Variants in PRKCA observed in about 807,000 individuals in gnomAD.
PRKCA encodes the protein protein kinase C alpha type.
PRKCA carries 27 observed loss-of-function variants against 87.0 expected under a neutral mutation model. That is an observed-to-expected ratio of 0.31 (90% CI 0.23 to 0.43). PRKCA has a LOEUF of 0.43. Ranked by LOEUF, PRKCA falls within the 20% of genes least tolerant of loss-of-function variation. PRKCA has a pLI of 1.00. For missense variants in PRKCA, 518 were observed against 852.3 expected (o/e 0.61, Z 4.88); for synonymous variants, 329 against 311.1 (o/e 1.06, Z -0.61).
chr17:66,433,787 C>T (rs1913227031), intron 2 of PRKCA, among the ~76,000 whole-genome samples: 1 of 152,160 alleles, frequency 6.6e-6, no homozygotes, highest in South Asian at 2.1e-4. Context: ...TCAAATCATC[C>T]ACCCATCTTG....
intron 3 of PRKCA, among the ~76,000 whole-genome samples, chr17:66,525,682 T>G (rs1197944772): frequency 6.6e-6 from 1 of 152,200 alleles, no homozygotes; most frequent in Non-Finnish European, 1.5e-5. Context: ...TGTGGTTTCA[T>G]TCTGGGGGAC....
chr17:66,752,063 A>G (rs1974442933), intron 13 of PRKCA, among the ~76,000 whole-genome samples: 1 of 152,182 alleles, frequency 6.6e-6, no homozygotes. Context: ...ACAGATCCAA[A>G]CTGTATTATA....
chr17:66,531,858 T>TA (rs1967553601), intron 3 of PRKCA, among the ~76,000 whole-genome samples: 1 of 152,152 alleles, frequency 6.6e-6, no homozygotes, highest in Non-Finnish European at 1.5e-5. Context: ...TTCTCAAACT[T>TA]ATCTTTGTGC....
chr17:66,404,952 G>C (rs1911276473), intron 2 of PRKCA, among the ~76,000 whole-genome samples: 2 of 151,854 alleles, frequency 1.3e-5, no homozygotes, highest in Admixed American at 1.3e-4. Flanking sequence ...GTTTCACCAT[G>C]TTGGCCAGGC....
At chr17:66,783,621 C>G (rs1298269493) in intron 14 of PRKCA, among the ~76,000 whole-genome samples, 1 of 152,192 alleles carries the variant, frequency 6.6e-6, no homozygotes, top group Non-Finnish European at 1.5e-5. Context: ...AGAATGTTCC[C>G]CAAACGATTC....
intron 3 of PRKCA, among the ~76,000 whole-genome samples, chr17:66,507,761 C>T (rs1021580245): frequency 1.2e-4 from 19 of 152,190 alleles, no homozygotes; most frequent in Admixed American, 1.2e-3. Flanking sequence ...CTTTTTGGCT[C>T]ATGCTGGGGC....
chr17:66,502,961 C>T (rs1056806448), intron 3 of PRKCA, among the ~76,000 whole-genome samples: 3 of 152,146 alleles, frequency 2.0e-5, no homozygotes, highest in Non-Finnish European at 4.4e-5. Context: ...GCCCAGCGTG[C>T]CCCCCAGCTT....
intron 13 of PRKCA, among the ~76,000 whole-genome samples, chr17:66,750,116 C>T (rs1974396215): frequency 1.3e-5 from 2 of 151,916 alleles, no homozygotes; most frequent in Non-Finnish European, 2.9e-5. Context: ...AATTAGCACT[C>T]ACCACCAAGA....
In PRKCA at chr17:66,742,769, C is replaced by T; in HGVS notation, c.1524+9C>T. ...ATTATATCGCCCCAGAGGTAGGAAC[C>T]CCAGTGATCGTTTTCTCAACCAGGA... is the stretch of plus-strand genomic sequence containing the variant. On this transcript the variant is annotated intron_variant, in intron 13 of 16. Coordinates refer to ENST00000413366, the MANE Select transcript of PRKCA (RefSeq NM_002737.3). 1 of 1,612,414 alleles carries T rather than the reference C, an allele frequency of 6.2e-7. No homozygotes were observed. Among genetic ancestry groups the T allele is most frequent in the Non-Finnish European group, 8.5e-7 (1 of 1,179,680 alleles).
Position 66,804,879 on chromosome 17 carries a change from T to C in PRKCA, c.*842T>C. 1 of 456,024 alleles carries C rather than the reference T, an allele frequency of 2.2e-6. No individual in the cohort carries two copies. The highest frequency in any genetic ancestry group is 2.9e-6 in the Non-Finnish European group (1 of 346,096). 28.2% of individuals were successfully genotyped at this position (456,024 alleles called of 1,614,324 possible). A position where few individuals can be genotyped will look rare whatever the true frequency, so the allele number is the denominator to read the frequency against. Reference sequence around the variant, plus strand: ...CCATCCAGGGTGCCATCAGTAATCATGCCACTACTCACCAGTGTTGTTCAC... The same window carrying C: ...CCATCCAGGGTGCCATCAGTAATCACGCCACTACTCACCAGTGTTGTTCAC... On this transcript the variant is annotated 3_prime_UTR_variant, in exon 17 of 17. Transcript: ENST00000413366.
At chr17:66,334,448 A>C (rs1906536955) in intron 2 of PRKCA, among the ~76,000 whole-genome samples, 1 of 152,180 alleles carries the variant, frequency 6.6e-6, no homozygotes, top group East Asian at 1.9e-4. Context: ...GTGATAACTC[A>C]ATTTAAAAAT....
chr17:66,577,611 A>G (rs1418324817), intron 3 of PRKCA, among the ~76,000 whole-genome samples: 1 of 152,170 alleles, frequency 6.6e-6, no homozygotes, highest in African/African-American at 2.4e-5. Context: ...GGCTCTGGTT[A>G]CGTCTTGGAG....
intron 8 of PRKCA, among the ~76,000 whole-genome samples, chr17:66,731,033 G>A (rs543500417): frequency 6.6e-6 from 1 of 152,276 alleles, no homozygotes; most frequent in Admixed American, 6.5e-5. Context: ...AAGGTCTGCT[G>A]CACTAGGGAG....
chr17:66,712,505 A>G (rs1973356358), intron 8 of PRKCA, among the ~76,000 whole-genome samples: 1 of 152,202 alleles, frequency 6.6e-6, no homozygotes, highest in African/African-American at 2.4e-5. Context: ...GGAAGTAATG[A>G]GAGGGGAGAA....
rs906174112 is a variant in PRKCA at position 66,405,904 on chromosome 17, G to GC, written c.206-90296dup. 1.4e-3 allele frequency among the ~76,000 whole-genome samples: 209 copies of GC among 152,242 alleles called. 4 individuals are homozygous for GC. Among genetic ancestry groups the GC allele is most frequent in the Non-Finnish European group, 2.7e-3 (185 of 68,026 alleles). The stretch of plus-strand genomic sequence containing the variant: ...CTTGTGGCTGTGTTCCTATTAGTGG[G>GC]CTTCAGGGGCTTCCTGTGGACAATT... On this transcript the variant is annotated intron_variant, in intron 2 of 16. Coordinates refer to ENST00000413366, the MANE Select transcript of PRKCA (RefSeq NM_002737.3).
At chr17:66,623,126 T>C (rs1225435101) in intron 3 of PRKCA, among the ~76,000 whole-genome samples, 1 of 152,260 alleles carries the variant, frequency 6.6e-6, no homozygotes, top group Non-Finnish European at 1.5e-5. Context: ...GTTGAATTGC[T>C]CCTTCTTTGT....
intron 2 of PRKCA, among the ~76,000 whole-genome samples, chr17:66,354,689 T>C (rs969852030): frequency 1.3e-5 from 2 of 152,170 alleles, no homozygotes; most frequent in African/African-American, 4.8e-5. Flanking sequence ...GTTTAAGCTC[T>C]TCCCTCTTAG....
intron 2 of PRKCA, among the ~76,000 whole-genome samples, chr17:66,466,188 CCT>C (rs1915079512): frequency 6.6e-6 from 1 of 152,168 alleles, no homozygotes; most frequent in African/African-American, 2.4e-5. Flanking sequence ...GTCTGGATCT[CCT>C]CACTCTAGAC....
intron 8 of PRKCA, among the ~76,000 whole-genome samples, chr17:66,717,432 GT>G (rs1424599468): frequency 6.6e-6 from 1 of 152,222 alleles, no homozygotes; most frequent in African/African-American, 2.4e-5. Context: ...AAAGGCTGGA[GT>G]TCTGGATTCA....
Sources: gnomAD v4.1 joint callset for allele counts (sites outside exome capture counted in the v4.1 genomes callset) on GRCh38, gnomAD v4.1.1 for gene constraint, MANE v1.5 for transcripts, NCBI Gene and HGNC (gene_info 2026-07-23, HGNC 2026-07-21) for gene names.